The following MGAT4C variants were observed in gnomAD, a reference collection of about 807,000 sequenced individuals.
The protein encoded by MGAT4C is alpha-1,3-mannosyl-glycoprotein 4-beta-N-acetylglucosaminyltransferase C.
A neutral mutation model predicts 40.1 loss-of-function variants in MGAT4C; 19 were observed. That is an observed-to-expected ratio of 0.47 (90% CI 0.33 to 0.70). The LOEUF (loss-of-function observed/expected upper bound fraction) is 0.70, where lower values mean the gene tolerates loss of function less well. Among genes scored for constraint, MGAT4C ranks in the 30% least tolerant of loss-of-function variants. The pLI is 0.02. For missense variants in MGAT4C, 491 were observed against 563.2 expected, an observed-to-expected ratio of 0.87 and a Z score of 1.30; for synonymous variants, 181 against 187.1, an observed-to-expected ratio of 0.97 and a Z score of 0.27.
rs1555190159 is a variant in MGAT4C, at chr12:86,446,682, T to TATATATATATATATATAC, written c.-228-11418_-228-11417insGTATATATATATATATAT. Among the ~76,000 whole-genome samples, 403 of 113,444 alleles carry TATATATATATATATATAC rather than the reference T, an allele frequency of 3.6e-3. 15 individuals carry two copies. The highest frequency in any genetic ancestry group is 6.0e-3 in the Non-Finnish European group (320 of 52,984). 74.4% of individuals were successfully genotyped at this position (113,444 alleles called of 152,430 possible). A position where few individuals can be genotyped will look rare whatever the true frequency, so the allele number is the denominator to read the frequency against. On this transcript the variant is annotated intron_variant, in intron 2 of 7. Coordinates refer to the MGAT4C transcript ENST00000548651. The stretch of plus-strand genomic sequence containing the variant: ...TCATATATATATATATATATATATA[T>TATATATATATATATATAC]ATATATATATATATATATATATGGA...
intron 2 of MGAT4C, among the ~76,000 whole-genome samples, chr12:86,714,776 A>AGGAAGGAG: frequency 7.7e-6 from 1 of 129,478 alleles, no homozygotes; most frequent in East Asian, 2.1e-4. Context: ...GAAGGGAAAA[A>AGGAAGGAG]GGAAGGAAGG....
rs938895028 is a variant in MGAT4C, at chr12:86,149,527, C to T, written c.-56-99804G>A. ...AAGACAAATTCCAAGCATCTCAGGG[C>T]AGGATATTGCCCTCTTCTCTCACAT... On this transcript the variant is annotated intron_variant, in intron 1 of 4. Coordinates refer to ENST00000611864, the MANE Select transcript of MGAT4C (RefSeq NM_001351288.2). Among the ~76,000 whole-genome samples the T allele has an allele frequency of 6.6e-5, 10 of 152,168 alleles. 1 individual carries two copies. The highest frequency in any genetic ancestry group is 1.5e-4 in the Non-Finnish European group (10 of 68,038).
chr12:86,280,270 T>C (rs1953183015), intron 4 of MGAT4C, among the ~76,000 whole-genome samples: 1 of 152,084 alleles, frequency 6.6e-6, no homozygotes, highest in South Asian at 2.1e-4. Context: ...TATTGGAGTC[T>C]ATCTCTCTCT....
rs1303027526 is a variant in MGAT4C at position 86,036,089 on chromosome 12, G to A, written c.-7+13585C>T. Among the ~76,000 whole-genome samples the A allele has an allele frequency of 1.3e-5, 2 of 149,988 alleles. 1 individual carries two copies. Among genetic ancestry groups the A allele is most frequent in the Non-Finnish European group, 3.0e-5 (2 of 66,888 alleles). ...TTTTTGGTTCCATATGAAATTTGAA[G>A]TAGTTTTTTCCAATTCTGTGATGAA... On this transcript the variant is annotated intron_variant, in intron 2 of 4. Transcript: ENST00000611864.
intron 2 of MGAT4C, among the ~76,000 whole-genome samples, chr12:86,549,588 A>T (rs1177584150): frequency 6.6e-6 from 1 of 152,228 alleles, no homozygotes; most frequent in African/African-American, 2.4e-5. Context: ...ACATTTTAAT[A>T]ATGCTTCTAC....
chr12:86,442,122 G>T (rs1021190201), intron 2 of MGAT4C, among the ~76,000 whole-genome samples: 2 of 152,062 alleles, frequency 1.3e-5, no homozygotes, highest in Admixed American at 6.6e-5. Flanking sequence ...TCATGTGTCT[G>T]TTGGCTGCAT....
intron 1 of MGAT4C, among the ~76,000 whole-genome samples, chr12:86,075,138 T>C (rs967348058): frequency 6.6e-6 from 1 of 152,160 alleles, no homozygotes; most frequent in Non-Finnish European, 1.5e-5. Context: ...GCCTGTAATA[T>C]CAAAAGCGAG....
At position 85,976,476 on chromosome 12, in the gene MGAT4C, T is replaced by C. The variant is rs538596385; in HGVS notation, c.*2813A>G. On this transcript the variant is annotated 3_prime_UTR_variant, in exon 5 of 5. Coordinates refer to ENST00000611864, the MANE Select transcript of MGAT4C (RefSeq NM_001351288.2). ...GCTCCCCTAAGGAGAATTTTAAGAC[T>C]AAGTAAGGTTTTTAGTGAGCTTAAA... is the stretch of plus-strand genomic sequence containing the variant. 2 of 150,788 alleles carry C rather than the reference T, an allele frequency of 1.3e-5. No homozygotes were observed. Among genetic ancestry groups the C allele is most frequent in the East Asian group, 1.9e-4 (1 of 5,164 alleles). The allele number at this position is 150,788 out of a possible 1,614,324, so 9.3% of individuals were successfully genotyped here. A position where few individuals can be genotyped will look rare whatever the true frequency, so the allele number is the denominator to read the frequency against.
At chr12:86,638,485 A>C (rs1203833870) in intron 2 of MGAT4C, among the ~76,000 whole-genome samples, 1 of 151,878 alleles carries the variant, frequency 6.6e-6, no homozygotes, top group Non-Finnish European at 1.5e-5. Flanking sequence ...TGAGGTAATA[A>C]ATATGGGACC....
intron 1 of MGAT4C, among the ~76,000 whole-genome samples, chr12:86,738,381 T>C (rs1180579201): frequency 6.6e-6 from 1 of 151,506 alleles, no homozygotes; most frequent in Admixed American, 6.6e-5. Context: ...ATTGTATCAC[T>C]TGCTACTATT....
Position 86,732,081 on chromosome 12 carries a change from C to T in MGAT4C, c.-261-4840G>A, listed in dbSNP as rs149447520. 9.4e-3 allele frequency among the ~76,000 whole-genome samples: 1,438 copies of T among 152,232 alleles called. 9 individuals carry two copies. Among genetic ancestry groups the T allele is most frequent in the Middle Eastern group, 0.017 (5 of 294 alleles). ...ACCACTGGACATTTTCTCTCTATAC[C>T]TTGTGCTTTGAAAATATATGAAAAC... On this transcript the variant is annotated intron_variant, in intron 1 of 7. Transcript: ENST00000548651.
chr12:86,336,489 A>G (rs183076105), intron 3 of MGAT4C, among the ~76,000 whole-genome samples: 49 of 152,312 alleles, frequency 3.2e-4, no homozygotes, highest in African/African-American at 1.2e-3. Flanking sequence ...GATAATACCT[A>G]CTATCTAGCA....
chr12:86,201,407 T>C (rs1352422386), intron 1 of MGAT4C, among the ~76,000 whole-genome samples: 1 of 150,742 alleles, frequency 6.6e-6, no homozygotes, highest in Non-Finnish European at 1.5e-5. Flanking sequence ...AATGAAGCTA[T>C]ATTATAAGCC....
chr12:86,324,735 A>T (rs1954485613), intron 4 of MGAT4C, among the ~76,000 whole-genome samples: 1 of 152,086 alleles, frequency 6.6e-6, no homozygotes. Context: ...AAATTAGAAA[A>T]ACAATCAATA....
At chr12:86,268,836 C>T (rs1952859327) in intron 4 of MGAT4C, among the ~76,000 whole-genome samples, 1 of 146,508 alleles carries the variant, frequency 6.8e-6, no homozygotes, top group South Asian at 2.1e-4. Context: ...TAAAGTGGCA[C>T]ATTTTTTTCT....
chr12:86,114,648 G>A (rs1482072127), intron 1 of MGAT4C, among the ~76,000 whole-genome samples: 6 of 151,494 alleles, frequency 4.0e-5, no homozygotes, highest in Admixed American at 1.3e-4. Flanking sequence ...TATTTTACTC[G>A]TGCCATATAA....
At chr12:86,146,886 C>A (rs1424183021) in intron 1 of MGAT4C, among the ~76,000 whole-genome samples, 1 of 151,154 alleles carries the variant, frequency 6.6e-6, no homozygotes, top group Non-Finnish European at 1.5e-5. Context: ...TTACCTGTAT[C>A]CTTGCATTTT....
At chr12:86,581,069 G>T (rs1960760114) in intron 2 of MGAT4C, among the ~76,000 whole-genome samples, 1 of 151,362 alleles carries the variant, frequency 6.6e-6, no homozygotes, top group Non-Finnish European at 1.5e-5. Flanking sequence ...CATTTCTCAA[G>T]ACGCCCTTGC....
At position 85,989,388 on chromosome 12, in the gene MGAT4C, T is replaced by C; in HGVS notation, c.147+12A>G. 1.9e-6 allele frequency: 3 copies of C among 1,562,876 alleles called. No homozygotes were observed. The highest frequency in any genetic ancestry group is 1.7e-6 in the Non-Finnish European group (2 of 1,156,790). ...TATTTTGAAGAAAAGACAATCAACCTCCCAAACTTACCAGAACATAGCTAT... is the reference window on the plus strand; with the variant it reads ...TATTTTGAAGAAAAGACAATCAACCCCCCAAACTTACCAGAACATAGCTAT... On this transcript the variant is annotated intron_variant, in intron 3 of 4. Coordinates refer to ENST00000611864, the MANE Select transcript of MGAT4C (RefSeq NM_001351288.2).
Sources: allele counts gnomAD v4.1 joint callset (sites outside exome capture counted in the v4.1 genomes callset), GRCh38; gene constraint gnomAD v4.1.1; transcripts MANE v1.5; gene names NCBI Gene and HGNC (gene_info 2026-07-23, HGNC 2026-07-21).